The following ENOX1 variants were observed in gnomAD, a reference collection of about 807,000 sequenced individuals.
ENOX1 encodes the protein candidate growth-related and time keeping constitutive hydroquinone (NADH) oxidase.
A neutral mutation model predicts 82.5 loss-of-function variants in ENOX1; 42 were observed. The ratio of observed to expected loss-of-function variants is 0.51; its 90% CI spans 0.40 to 0.66. The LOEUF is 0.66. Ranked by LOEUF, ENOX1 falls within the 30% of genes least tolerant of loss-of-function variation. The pLI, the probability that ENOX1 is intolerant of heterozygous loss-of-function variation, is 0.00. For missense variants in ENOX1, 608 were observed against 811.6 expected (o/e 0.75, Z 3.05); for synonymous variants, 271 against 282.2 (o/e 0.96, Z 0.40).
At chr13:43,758,371 A>G (rs1393845566) in intron 1 of ENOX1, among the ~76,000 whole-genome samples, 2 of 152,250 alleles carry the variant, frequency 1.3e-5, no homozygotes, top group Non-Finnish European at 2.9e-5. Flanking sequence ...AGGAAAAAAA[A>G]AGACAATCTC....
chr13:43,217,817 C>G (rs2041566891), intron 16 of ENOX1, among the ~76,000 whole-genome samples: 1 of 152,202 alleles, frequency 6.6e-6, no homozygotes, highest in Admixed American at 6.5e-5. Context: ...TATCCTAGCT[C>G]TAGCCTTAGG....
chr13:43,738,851 C>A (rs1344149607), intron 1 of ENOX1, among the ~76,000 whole-genome samples: 2 of 152,164 alleles, frequency 1.3e-5, no homozygotes, highest in Non-Finnish European at 2.9e-5. Flanking sequence ...TGCCTTTTAC[C>A]TGGCCCATTT....
At chr13:43,288,698 T>C (rs1398270800) in intron 12 of ENOX1, among the ~76,000 whole-genome samples, 3 of 152,214 alleles carry the variant, frequency 2.0e-5, no homozygotes, top group Admixed American at 2.0e-4. Flanking sequence ...TCATTGTGTA[T>C]GGGCTATTCC....
intron 5 of ENOX1, among the ~76,000 whole-genome samples, chr13:43,376,100 C>A (rs1304216599): frequency 3.3e-5 from 5 of 152,208 alleles, no homozygotes; most frequent in African/African-American, 1.2e-4. Context: ...CTTGGACATT[C>A]ATGCCCTTAT....
chr13:43,242,450 G>C (rs1232713081), intron 14 of ENOX1, among the ~76,000 whole-genome samples: 1 of 152,212 alleles, frequency 6.6e-6, no homozygotes, highest in Non-Finnish European at 1.5e-5. Context: ...GTTCAGCTAT[G>C]ATCAATCTTA....
At chr13:43,651,130 T>C (rs1173120296) in intron 2 of ENOX1, among the ~76,000 whole-genome samples, 1 of 151,908 alleles carries the variant, frequency 6.6e-6, no homozygotes, top group East Asian at 1.9e-4. Context: ...GTGGTTAGAG[T>C]TTCCAATGAT....
rs145895639 is a variant in ENOX1, at chr13:43,691,411, T to C, written c.-284-23867A>G. 2.1e-3 allele frequency among the ~76,000 whole-genome samples: 316 copies of C among 151,952 alleles called. 3 individuals are homozygous for C. The highest frequency in any genetic ancestry group is 6.9e-3 in the African/African-American group (284 of 41,444). ...TCCATGAAAAGAAAAAAAAAAACTA[T>C]CTAAAACACCAATCAGATAGTATCA... On this transcript the variant is annotated intron_variant, in intron 1 of 16. Transcript: ENST00000690772.
At chr13:43,630,932 TTTGTG>T (rs2083189027) in intron 2 of ENOX1, among the ~76,000 whole-genome samples, 5 of 130,074 alleles carry the variant, frequency 3.8e-5, no homozygotes, top group East Asian at 2.5e-4. Context: ...TGTGTGTGTG[TTTGTG>T]TGTGTGTGTG....
At chr13:43,367,681 C>T (rs1160725346) in intron 5 of ENOX1, among the ~76,000 whole-genome samples, 1 of 148,250 alleles carries the variant, frequency 6.7e-6, no homozygotes, top group African/African-American at 2.5e-5. Context: ...TTTTAATTCA[C>T]CCAGTGTGTG....
At chr13:43,382,585 C>T (rs1029766909) in intron 5 of ENOX1, among the ~76,000 whole-genome samples, 1 of 151,934 alleles carries the variant, frequency 6.6e-6, no homozygotes, top group African/African-American at 2.4e-5. Context: ...TTTGTAGAGA[C>T]AGAAGATCAG....
rs867473452 is a variant in ENOX1 at position 43,402,687 on chromosome 13, C to T, written c.208+9229G>A. ...GTGGATCTGGAGCAGAAGTCCCCTA[C>T]GCAATTAATCCATAGTTACAAATAA... On this transcript the variant is annotated intron_variant, in intron 5 of 16. Transcript: ENST00000690772. 5.9e-5 allele frequency among the ~76,000 whole-genome samples: 9 copies of T among 152,296 alleles called. 1 individual carries two copies. The Middle Eastern group carries it at 0.01, about 173-fold the overall frequency.
chr13:43,689,400 C>T lies in ENOX1; in HGVS notation c.-284-21856G>A, dbSNP rs117582466. Among the ~76,000 whole-genome samples the T allele has an allele frequency of 4.6e-5, 7 of 152,270 alleles. No individual in the cohort carries two copies. In the East Asian group the frequency reaches 9.6e-4, roughly 21 times the overall value. On this transcript the variant is annotated intron_variant, in intron 1 of 16. Transcript: ENST00000690772. The stretch of plus-strand genomic sequence containing the variant: ...GAAGAATGACAAAACAAAAATAAAA[C>T]GAGACTGTGTTAGATACTTAATCAA...
chr13:43,359,803 C>A (rs1259848651), intron 7 of ENOX1, 48 bp downstream of exon 7: 12 of 1,557,954 alleles, frequency 7.7e-6, no homozygotes, highest in Non-Finnish European at 1.1e-5. Flanking sequence ...ATTAACATCA[C>A]AAAACATAAC....
intron 2 of ENOX1, among the ~76,000 whole-genome samples, chr13:43,626,572 A>G (rs2082972941): frequency 1.3e-5 from 2 of 151,870 alleles, no homozygotes; most frequent in Admixed American, 1.3e-4. Flanking sequence ...GACTAAAAGT[A>G]TATTATTTAG....
At chr13:43,357,953 G>A (rs1292775053) in intron 7 of ENOX1, among the ~76,000 whole-genome samples, 1 of 152,130 alleles carries the variant, frequency 6.6e-6, no homozygotes, top group Admixed American at 6.5e-5. Flanking sequence ...AGCCTCTCAA[G>A]GGCAGGGAGG....
intron 11 of ENOX1, among the ~76,000 whole-genome samples, chr13:43,309,746 AAG>A (rs2047081240): frequency 6.6e-6 from 1 of 152,208 alleles, no homozygotes; most frequent in Non-Finnish European, 1.5e-5. Context: ...TTCCCTGGGA[AAG>A]AGTTGTTCAG....
chr13:43,214,794 GCA>G (rs1386330997), intron 16 of ENOX1, among the ~76,000 whole-genome samples: 1 of 152,104 alleles, frequency 6.6e-6, no homozygotes, highest in African/African-American at 2.4e-5. Context: ...CTCTGCTCTA[GCA>G]CAGTGATTGC....
chr13:43,549,951 G>C (rs2079121312), intron 2 of ENOX1, among the ~76,000 whole-genome samples: 1 of 152,176 alleles, frequency 6.6e-6, no homozygotes, highest in South Asian at 2.1e-4. Flanking sequence ...CAGTTTTGTG[G>C]ATGACAATTT....
At chr13:43,734,349 C>T (rs2089502965) in intron 1 of ENOX1, among the ~76,000 whole-genome samples, 2 of 152,146 alleles carry the variant, frequency 1.3e-5, no homozygotes, top group Admixed American at 1.3e-4. Flanking sequence ...AAAATTAATC[C>T]TGATAGGCAG....
Sources: allele counts gnomAD v4.1 joint callset (sites outside exome capture counted in the v4.1 genomes callset), GRCh38; gene constraint gnomAD v4.1.1; transcripts MANE v1.5; gene names NCBI Gene and HGNC (gene_info 2026-07-23, HGNC 2026-07-21).